MELK: variants seen among roughly 807,000 people sequenced by gnomAD.
MELK encodes the protein maternal embryonic leucine zipper kinase, also known as pEg3 kinase.
In MELK, 81 loss-of-function variants were observed where a neutral mutation model predicts 85.0. The ratio of observed to expected loss-of-function variants is 0.95; its 90% CI spans 0.80 to 1.15. MELK has a LOEUF of 1.15. Among genes scored for constraint, MELK ranks in the 50% most tolerant of loss-of-function variants. The probability of loss-of-function intolerance (pLI) is 0.00; values close to 1 mark genes in which losing one functional copy is unlikely to be tolerated. For synonymous variants in MELK, 252 were observed against 265.0 expected, an observed-to-expected ratio of 0.95 and a Z score of 0.48; for missense variants, 754 against 777.5, an observed-to-expected ratio of 0.97 and a Z score of 0.36.
intron 1 of MELK, among the ~76,000 whole-genome samples, chr9:36,574,242 G>A (rs1295142637): frequency 6.6e-6 from 1 of 151,952 alleles, no homozygotes; most frequent in Non-Finnish European, 1.5e-5. Context: ...AGAAGCCTTT[G>A]CAAGGGAGCA....
chr9:36,623,302 G>A (rs948426039), intron 8 of MELK, among the ~76,000 whole-genome samples: 1 of 152,206 alleles, frequency 6.6e-6, no homozygotes, highest in Non-Finnish European at 1.5e-5. Context: ...TTTGTATAAT[G>A]TGGTTAATAG....
At chr9:36,605,383 A>G (rs1206990908) in intron 7 of MELK, among the ~76,000 whole-genome samples, 1 of 151,696 alleles carries the variant, frequency 6.6e-6, no homozygotes, top group Non-Finnish European at 1.5e-5. Flanking sequence ...CAAATTTTGT[A>G]TTTTTAGTAG....
At chr9:36,613,087 C>T (rs1826208473) in intron 8 of MELK, among the ~76,000 whole-genome samples, 1 of 152,186 alleles carries the variant, frequency 6.6e-6, no homozygotes, top group Non-Finnish European at 1.5e-5. Context: ...TACTCCCTGC[C>T]TCACTTGTGC....
intron 8 of MELK, among the ~76,000 whole-genome samples, chr9:36,620,574 G>A (rs2136208267): frequency 7.1e-6 from 1 of 141,392 alleles, no homozygotes; most frequent in African/African-American, 2.7e-5. Context: ...TTTTGAGATG[G>A]AGTCTCGCTC....
At chr9:36,581,828 C>A (rs1176773274) in intron 2 of MELK, 89 bp downstream of exon 2, 7 of 1,034,464 alleles carry the variant, frequency 6.8e-6, no homozygotes, top group Non-Finnish European at 8.6e-6. Flanking sequence ...TTTCGTCTAA[C>A]CCACACAGTT....
intron 1 of MELK, among the ~76,000 whole-genome samples, chr9:36,580,648 T>C (rs1164669471): frequency 6.6e-6 from 1 of 151,754 alleles, no homozygotes. Context: ...TTATTTTTTC[T>C]TCAGGTAGCC....
chr9:36,651,647 GT>G, intron 11 of MELK, 98 bp from the exon 12 acceptor site: 1 of 1,417,738 alleles, frequency 7.1e-7, no homozygotes, highest in Non-Finnish European at 9.6e-7. Context: ...GGCTTTTAAA[GT>G]TCTGAATGTT....
chr9:36,594,901 A>G, intron 5 of MELK, 130 bp downstream of exon 5: 2 of 913,180 alleles, frequency 2.2e-6, no homozygotes, highest in South Asian at 2.9e-5. Context: ...AGTCATACCT[A>G]TCAGATTTCT....
intron 8 of MELK, among the ~76,000 whole-genome samples, chr9:36,623,769 C>T (rs12004397): frequency 0.015 from 2,214 of 152,290 alleles, 50 homozygotes; most frequent in African/African-American, 0.05. Context: ...ATCTCTGGCC[C>T]TCAAAAAAGG....
At chr9:36,593,691 C>G (rs201031446) in intron 4 of MELK, among the ~76,000 whole-genome samples, 1 of 151,962 alleles carries the variant, frequency 6.6e-6, no homozygotes, top group Non-Finnish European at 1.5e-5. Flanking sequence ...GTTGTTGTTG[C>G]TGTTGTTGTT....
At chr9:36,620,523 C>G (rs192933576) in intron 8 of MELK, among the ~76,000 whole-genome samples, 2 of 147,202 alleles carry the variant, frequency 1.4e-5, no homozygotes, top group East Asian at 4.0e-4. Context: ...TTCAATTTTT[C>G]TTGTTTCAGC....
At chr9:36,585,518 G>A (rs541119470) in intron 3 of MELK, among the ~76,000 whole-genome samples, 2 of 152,118 alleles carry the variant, frequency 1.3e-5, no homozygotes, top group Admixed American at 6.6e-5. Flanking sequence ...TGTTGGTCAG[G>A]CTGGTCTCGA....
At chr9:36,612,795 C>T (rs1826180667) in intron 8 of MELK, among the ~76,000 whole-genome samples, 1 of 152,154 alleles carries the variant, frequency 6.6e-6, no homozygotes, top group Admixed American at 6.5e-5. Flanking sequence ...CATAAAGTTA[C>T]ATTGGGGAGT....
At chr9:36,633,766 A>C (rs1314150576) in intron 10 of MELK, among the ~76,000 whole-genome samples, 1 of 152,230 alleles carries the variant, frequency 6.6e-6, no homozygotes, top group African/African-American at 2.4e-5. Flanking sequence ...ATTTCTTTAA[A>C]GTCTGGCTTA....
At chr9:36,609,375 C>G (rs1166850952) in intron 8 of MELK, among the ~76,000 whole-genome samples, 1 of 151,500 alleles carries the variant, frequency 6.6e-6, no homozygotes, top group Non-Finnish European at 1.5e-5. Context: ...GAAAGAACAT[C>G]TTGTGTTCCA....
chr9:36,674,045 A>G (rs547287217), intron 16 of MELK, among the ~76,000 whole-genome samples: 15 of 152,266 alleles, frequency 9.9e-5, no homozygotes, highest in Admixed American at 8.5e-4. Flanking sequence ...AGATAGTTGG[A>G]TACTTTTCTT....
chr9:36,576,250 T>A (rs1020325392), intron 1 of MELK, among the ~76,000 whole-genome samples: 2 of 152,214 alleles, frequency 1.3e-5, no homozygotes, highest in Non-Finnish European at 2.9e-5. Flanking sequence ...GGACCTGACC[T>A]TGCTTCTTCT....
intron 7 of MELK, among the ~76,000 whole-genome samples, chr9:36,606,270 T>C (rs981102534): frequency 1.3e-5 from 2 of 149,184 alleles, no homozygotes; most frequent in African/African-American, 4.9e-5. Context: ...TATGTATATA[T>C]AATATATACA....
intron 12 of MELK, 151 bp downstream of exon 12, chr9:36,652,028 G>A: frequency 7.9e-6 from 3 of 377,856 alleles, no homozygotes; most frequent in Non-Finnish European, 1.3e-5. Context: ...GGGAAGTTCT[G>A]AAGTTGAACT....
Sources: allele counts gnomAD v4.1 joint callset (sites outside exome capture counted in the v4.1 genomes callset), GRCh38; gene constraint gnomAD v4.1.1; transcripts MANE v1.5; gene names NCBI Gene and HGNC (gene_info 2026-07-23, HGNC 2026-07-21).